The following UGT2B15 variants were observed in gnomAD, a reference collection of about 807,000 sequenced individuals.
UGT2B15 encodes the protein UDP-glucuronosyltransferase 2B15.
Under a neutral mutation model 45.9 loss-of-function variants are expected in UGT2B15, and 36 were observed. The ratio of observed to expected loss-of-function variants is 0.78; its 90% CI spans 0.60 to 1.04. UGT2B15 has a LOEUF of 1.04. Among genes scored for constraint, UGT2B15 ranks in the 50% least tolerant of loss-of-function variants. The probability of loss-of-function intolerance (pLI) is 0.00; values close to 1 mark genes in which losing one functional copy is unlikely to be tolerated. For missense variants in UGT2B15, 617 were observed against 622.4 expected (o/e 0.99, Z 0.09); for synonymous variants, 219 against 216.4 (o/e 1.01, Z -0.11).
chr4:68,647,220 C>A lies in UGT2B15; in HGVS notation c.1477G>T (p.Asp493Tyr), dbSNP rs747470153. The stretch of plus-strand genomic sequence containing the variant: ...CAGGCCAGCAGGAATGCTATCACAT[C>A]CAAAGAGTGGTACTGGATCCAGGTG... ...NLTWIQYHSL[D>Y]VIAFLLACVA... The change falls in exon 6 of 6, where the codon GAT (aspartate) becomes TAT (tyrosine). Residue 493 changes from aspartate to tyrosine, a missense_variant. Physicochemically the swap from Asp to Tyr is radical, Grantham distance 160. Coordinates refer to ENST00000338206, the MANE Select transcript of UGT2B15 (RefSeq NM_001076.4). 14 of 1,613,816 alleles carry A rather than the reference C, an allele frequency of 8.7e-6. 1 individual carries two copies. The highest frequency in any genetic ancestry group is 1.2e-5 in the Non-Finnish European group (14 of 1,179,918).
chr4:68,666,583 C>A (rs1733126026), intron 2 of UGT2B15, among the ~76,000 whole-genome samples: 1 of 151,730 alleles, frequency 6.6e-6, no homozygotes, highest in Admixed American at 6.6e-5. Context: ...CCTAAATGAT[C>A]TTTACATTTT....
At chr4:68,647,469 T>C (rs1732516880) in intron 5 of UGT2B15, 86 bp from the exon 6 acceptor site, 2 of 1,398,758 alleles carry the variant, frequency 1.4e-6, no homozygotes, top group East Asian at 2.3e-5. Context: ...TTGAAAAGTG[T>C]CACACAAATG....
Position 68,670,093 on chromosome 4 carries a change from A to G in UGT2B15, c.526T>C (p.Ser176Pro). ...TTCTTCTCAAATGTGTAGCCAACAG[A>G]GAATCGAAGACTGTACAGAAAGGGT... ...NIPFLYSLRF[S>P]VGYTFEKNGG... Residue 176 changes from serine to proline, a missense_variant, in exon 1 of 6, where the codon TCT becomes CCT. Ser to Pro is a moderately conservative substitution (Grantham distance 74). Coordinates refer to ENST00000338206, the MANE Select transcript of UGT2B15 (RefSeq NM_001076.4). The G allele has an allele frequency of 6.2e-7, 1 of 1,614,152 alleles. No homozygotes were observed. Among genetic ancestry groups the G allele is most frequent in the Middle Eastern group, 1.6e-4 (1 of 6,062 alleles).
chr4:68,661,216 C>T (rs1376379085), intron 3 of UGT2B15, among the ~76,000 whole-genome samples: 1 of 151,934 alleles, frequency 6.6e-6, no homozygotes, highest in Admixed American at 6.6e-5. Context: ...AAATCACTGC[C>T]TCCCATTCTA....
At position 68,646,638 on chromosome 4, in the gene UGT2B15, T is replaced by C. The variant is rs1162663029; in HGVS notation, c.*466A>G. 1 of 152,386 alleles carries C rather than the reference T, an allele frequency of 6.6e-6. No homozygotes were observed. Among genetic ancestry groups the C allele is most frequent in the Non-Finnish European group, 1.5e-5 (1 of 68,344 alleles). The allele number at this position is 152,386 out of a possible 1,614,324, so 9.4% of individuals were successfully genotyped here. A position where few individuals can be genotyped will look rare whatever the true frequency, so the allele number is the denominator to read the frequency against. ...TTTTATTTTTCTTTTCTTTTTTTTT[T>C]ATGGCTTGGATGACACTTTATTTTC... On this transcript the variant is annotated 3_prime_UTR_variant, in exon 6 of 6. Coordinates refer to ENST00000338206, the MANE Select transcript of UGT2B15 (RefSeq NM_001076.4).
At chr4:68,654,464 C>CA (rs34449264) in intron 4 of UGT2B15, among the ~76,000 whole-genome samples, 73,263 of 150,188 alleles carry the variant, frequency 0.49, 20,937 homozygotes, top group Non-Finnish European at 0.65. Flanking sequence ...TTAAAATGTG[C>CA]AAAAAAAAGA....
At chr4:68,655,942 T>C (rs1732791068) in intron 3 of UGT2B15, among the ~76,000 whole-genome samples, 1 of 152,110 alleles carries the variant, frequency 6.6e-6, no homozygotes, top group Non-Finnish European at 1.5e-5. Flanking sequence ...GGAGGTTCCC[T>C]GACCTTTGAT....
intron 2 of UGT2B15, among the ~76,000 whole-genome samples, chr4:68,666,733 CATAT>C (rs975003043): frequency 2.8e-4 from 38 of 136,296 alleles, no homozygotes; most frequent in Middle Eastern, 3.8e-3. Flanking sequence ...TATCAAATTA[CATAT>C]ATATATATAT....
chr4:68,651,317 T>A (rs1413099444), intron 5 of UGT2B15, among the ~76,000 whole-genome samples: 1 of 152,070 alleles, frequency 6.6e-6, no homozygotes, highest in Non-Finnish European at 1.5e-5. Flanking sequence ...CCATCTTGAG[T>A]TAATTTTTGT....
chr4:68,662,999 T>G lies in UGT2B15; in HGVS notation c.1005+9A>C. On this transcript the variant is annotated intron_variant, in intron 3 of 5. Transcript: ENST00000338206. ...AGTAGCCATCCACAGTTAAGGCACTTTATCTAACCTTTTGTGGGATCTGGG... is the reference window on the plus strand; with the variant it reads ...AGTAGCCATCCACAGTTAAGGCACTGTATCTAACCTTTTGTGGGATCTGGG... 6.9e-7 allele frequency: 1 copy of G among 1,441,620 alleles called. No individual in the cohort carries two copies. The allele number at this position is 1,441,620 out of a possible 1,614,324, so 89.3% of individuals were successfully genotyped here. A position where few individuals can be genotyped will look rare whatever the true frequency, so the allele number is the denominator to read the frequency against.
chr4:68,667,901 T>TGGGG, intron 2 of UGT2B15, 139 bp downstream of exon 2: 1 of 1,360,496 alleles, frequency 7.4e-7, no homozygotes, highest in South Asian at 1.5e-5. Context: ...ACTACAGAAA[T>TGGGG]ATATGATTTT....
At chr4:68,650,344 CT>C (rs1252293858) in intron 5 of UGT2B15, among the ~76,000 whole-genome samples, 1 of 151,966 alleles carries the variant, frequency 6.6e-6, no homozygotes, top group Non-Finnish European at 1.5e-5. Flanking sequence ...GTTCCCCTCC[CT>C]GAGTCCATGT....
At chr4:68,664,914 A>G (rs573192970) in intron 2 of UGT2B15, among the ~76,000 whole-genome samples, 71 of 152,236 alleles carry the variant, frequency 4.7e-4, no homozygotes, top group Non-Finnish European at 9.1e-4. Context: ...GAGATAATTC[A>G]TGAGGCATCC....
In UGT2B15 at chr4:68,651,841, C is replaced by T. The variant is rs144285167; in HGVS notation, c.1313+2196G>A. ...GCTTTGTTCTTTTTGCTTAGGATTGCCTTGGTTATATGGGCTCTTTTTTGT... is the reference window on the plus strand; with the variant it reads ...GCTTTGTTCTTTTTGCTTAGGATTGTCTTGGTTATATGGGCTCTTTTTTGT... On this transcript the variant is annotated intron_variant, in intron 5 of 5. Coordinates refer to ENST00000338206, the MANE Select transcript of UGT2B15 (RefSeq NM_001076.4). 2.4e-3 allele frequency among the ~76,000 whole-genome samples: 366 copies of T among 151,952 alleles called. 6 individuals are homozygous for T. Among genetic ancestry groups the T allele is most frequent in the East Asian group, 0.023 (120 of 5,180 alleles).
intron 3 of UGT2B15, among the ~76,000 whole-genome samples, chr4:68,661,089 T>C (rs1460132443): frequency 6.6e-6 from 1 of 152,016 alleles, no homozygotes; most frequent in Non-Finnish European, 1.5e-5. Flanking sequence ...TCCTTGCCAT[T>C]AGAGATCAGA....
At position 68,670,134 on chromosome 4, in the gene UGT2B15, G is replaced by A. The variant is rs769306329; in HGVS notation, c.485C>T (p.Ala162Val). ...DALNPCGELL[A>V]ELFNIPFLYS... The stretch of plus-strand genomic sequence containing the variant: ...CAGAAAGGGTATGTTAAATAGTTCA[G>A]CCAGTAGCTCACCACAGGGATTAAG... The change falls in exon 1 of 6, where the codon GCT becomes GTT. Residue 162 changes from alanine (A) to valine (V), a missense_variant. Ala to Val is a moderately conservative substitution (Grantham distance 64, BLOSUM62 0). This residue lies in a region of UGT2B15 where 351 missense variants were observed against 342.1 expected (regional missense o/e 1.03). Coordinates refer to ENST00000338206, the MANE Select transcript of UGT2B15 (RefSeq NM_001076.4). 1 of 1,613,966 alleles carries A rather than the reference G, an allele frequency of 6.2e-7. No individual in the cohort carries two copies. The highest frequency in any genetic ancestry group is 1.3e-5 in the African/African-American group (1 of 74,908).
intron 3 of UGT2B15, among the ~76,000 whole-genome samples, chr4:68,656,929 A>G (rs1205729291): frequency 2.0e-5 from 3 of 152,032 alleles, no homozygotes; most frequent in Non-Finnish European, 4.4e-5. Flanking sequence ...GACGAGTTAC[A>G]AAGTAGGGGG....
rs140954892 is a variant in UGT2B15 at position 68,667,194 on chromosome 4, G to A, written c.873+846C>T. Reference sequence around the variant, plus strand: ...TTGTTTGTTTTTGAGACAGAGTCTCGCTCTGTCGCACAGGCTAGAGTTCAG... The same window carrying A: ...TTGTTTGTTTTTGAGACAGAGTCTCACTCTGTCGCACAGGCTAGAGTTCAG... On this transcript the variant is annotated intron_variant, in intron 2 of 5. Transcript: ENST00000338206. Among the ~76,000 whole-genome samples the A allele has an allele frequency of 8.2e-3, 1,223 of 148,266 alleles. 17 individuals are homozygous for A. Among genetic ancestry groups the A allele is most frequent in the African/African-American group, 0.029 (1,148 of 40,022 alleles).
intron 3 of UGT2B15, among the ~76,000 whole-genome samples, chr4:68,659,827 A>G (rs987804723): frequency 2.6e-5 from 4 of 152,048 alleles, no homozygotes; most frequent in Non-Finnish European, 4.4e-5. Context: ...TAAAATGTTC[A>G]TGAGTATCAA....
Sources: gnomAD v4.1 joint callset for allele counts (sites outside exome capture counted in the v4.1 genomes callset) on GRCh38, gnomAD v4.1.1 for gene constraint, gnomAD v4.1.1 regional missense constraint, MANE v1.5 for transcripts, NCBI Gene and HGNC (gene_info 2026-07-23, HGNC 2026-07-21) for gene names.